Variants in SMURF2 observed in about 807,000 individuals in gnomAD.
SMURF2 encodes SMAD specific E3 ubiquitin protein ligase 2.
A neutral mutation model predicts 109.6 loss-of-function variants in SMURF2; 48 were observed. That is an observed-to-expected ratio of 0.44 (90% CI 0.35 to 0.56). The LOEUF (loss-of-function observed/expected upper bound fraction) is 0.56. Ranked by LOEUF, SMURF2 falls within the 20% of genes least tolerant of loss-of-function variation. The pLI is 0.01. For missense variants in SMURF2, 575 were observed against 909.0 expected, an observed-to-expected ratio of 0.63 and a Z score of 4.72; for synonymous variants, 288 against 317.1, an observed-to-expected ratio of 0.91 and a Z score of 0.97.
intron 9 of SMURF2, among the ~76,000 whole-genome samples, chr17:64,572,309 T>C (rs1555685637): frequency 6.6e-6 from 1 of 152,234 alleles, no homozygotes; most frequent in Non-Finnish European, 1.5e-5. Context: ...GTCAGTGACA[T>C]AAAGAATTAA....
chr17:64,554,549 A>G (rs1969092541), intron 15 of SMURF2, among the ~76,000 whole-genome samples: 1 of 152,214 alleles, frequency 6.6e-6, no homozygotes, highest in Admixed American at 6.5e-5. Flanking sequence ...CCCAGTCAAC[A>G]GCCATGCCAG....
At chr17:64,592,595 T>C (rs1969765194) in intron 4 of SMURF2, among the ~76,000 whole-genome samples, 1 of 152,240 alleles carries the variant, frequency 6.6e-6, no homozygotes, top group African/African-American at 2.4e-5. Context: ...TTAGATCTTA[T>C]GTGAGTTTGT....
chr17:64,622,581 C>G (rs1480355902), intron 1 of SMURF2, among the ~76,000 whole-genome samples: 1 of 152,120 alleles, frequency 6.6e-6, no homozygotes, highest in Non-Finnish European at 1.5e-5. Context: ...TGGGATTTGT[C>G]TAACTTCTCA....
chr17:64,643,187 T>G (rs1318553097), intron 1 of SMURF2, among the ~76,000 whole-genome samples: 1 of 152,008 alleles, frequency 6.6e-6, no homozygotes, highest in Non-Finnish European at 1.5e-5. Flanking sequence ...CATACCCAGC[T>G]AATTTTTGTT....
intron 11 of SMURF2, among the ~76,000 whole-genome samples, 163 bp from the exon 12 acceptor site, chr17:64,561,766 G>A (rs1461798506): frequency 5.3e-5 from 8 of 152,136 alleles, no homozygotes; most frequent in African/African-American, 1.9e-4. Flanking sequence ...GGAGGCTGAG[G>A]CAGGAGGATC....
rs16947960 is a variant in SMURF2, at chr17:64,643,708, T to C, written c.52+18121A>G. On this transcript the variant is annotated intron_variant, in intron 1 of 18. Transcript: ENST00000262435. ...GTAAATACCTGCTTCATTACACTCT[T>C]TGACCTAATTAAGAGTGTTACTTGT... is the stretch of plus-strand genomic sequence containing the variant. Among the ~76,000 whole-genome samples, 550 of 152,330 alleles carry C rather than the reference T, an allele frequency of 3.6e-3. 3 individuals are homozygous for C. Among genetic ancestry groups the C allele is most frequent in the African/African-American group, 0.013 (520 of 41,570 alleles).
chr17:64,660,390 T>TG (rs1172057625), intron 1 of SMURF2, among the ~76,000 whole-genome samples: 67 of 152,094 alleles, frequency 4.4e-4, no homozygotes, highest in African/African-American at 1.5e-3. Context: ...GGACACTGAA[T>TG]GAGGGGGGAG....
At chr17:64,630,092 C>T (rs1275780182) in intron 1 of SMURF2, among the ~76,000 whole-genome samples, 1 of 151,844 alleles carries the variant, frequency 6.6e-6, no homozygotes, top group Non-Finnish European at 1.5e-5. Flanking sequence ...AAAAATTAGC[C>T]AGGCATGGTG....
chr17:64,579,276 G>A (rs1568181867), intron 8 of SMURF2, among the ~76,000 whole-genome samples: 1 of 151,578 alleles, frequency 6.6e-6, no homozygotes, highest in Non-Finnish European at 1.5e-5. Context: ...CTTTATGGTG[G>A]GTTTTGTTTT....
intron 5 of SMURF2, among the ~76,000 whole-genome samples, chr17:64,586,992 C>T (rs1969671714): frequency 1.3e-5 from 2 of 151,736 alleles, no homozygotes; most frequent in South Asian, 2.1e-4. Context: ...GGTGAAACCC[C>T]GTCTCTACAA....
At chr17:64,555,762 C>A in intron 14 of SMURF2, 58 bp downstream of exon 14, 1 of 1,240,974 alleles carries the variant, frequency 8.1e-7, no homozygotes, top group Non-Finnish European at 1.1e-6. Context: ...AGTTTTGAAA[C>A]ATATTTTTTT....
At chr17:64,602,154 T>C (rs1476168083) in intron 2 of SMURF2, among the ~76,000 whole-genome samples, 4 of 151,780 alleles carry the variant, frequency 2.6e-5, no homozygotes, top group Admixed American at 1.3e-4. Flanking sequence ...AAGAATGATA[T>C]ACTGGACTAT....
chr17:64,598,261 CT>C, intron 3 of SMURF2, 120 bp downstream of exon 3: 1 of 821,618 alleles, frequency 1.2e-6, no homozygotes, highest in East Asian at 2.9e-5. Context: ...TTCTTTACCC[CT>C]TTTGTGATGA....
intron 9 of SMURF2, among the ~76,000 whole-genome samples, chr17:64,578,050 G>T (rs145262989): frequency 4.0e-5 from 6 of 150,408 alleles, no homozygotes; most frequent in African/African-American, 1.5e-4. Context: ...GGGTTCAAGC[G>T]ATTCCCTGCC....
intron 1 of SMURF2, among the ~76,000 whole-genome samples, chr17:64,641,733 C>T (rs995648114): frequency 6.6e-6 from 1 of 152,114 alleles, no homozygotes; most frequent in Non-Finnish European, 1.5e-5. Context: ...AATTCCAGTT[C>T]CAGCCACCAT....
intron 3 of SMURF2, chr17:64,594,015 A>G (rs1969783187): frequency 6.5e-6 from 1 of 153,496 alleles, no homozygotes; most frequent in South Asian, 2.0e-4. Context: ...AATGCTGTAG[A>G]ACAAAAGCTG....
chr17:64,653,421 T>C (rs1598318701), intron 1 of SMURF2, among the ~76,000 whole-genome samples: 1 of 151,406 alleles, frequency 6.6e-6, no homozygotes, highest in South Asian at 2.1e-4. Context: ...CTACTGAAAC[T>C]CATACAATGC....
rs1968921528 is a variant in SMURF2, at chr17:64,544,736, A to G, written c.*1112T>C. ...ACCCCACTTCATTCTGTTAGGTAAA[A>G]GCAGGATTTTCTAAGCTTATTAATA... On this transcript the variant is annotated 3_prime_UTR_variant, in exon 19 of 19. Transcript: ENST00000262435. The G allele has an allele frequency of 6.6e-6, 1 of 152,306 alleles. No homozygotes were observed. Among genetic ancestry groups the G allele is most frequent in the Non-Finnish European group, 1.5e-5 (1 of 68,044 alleles). The allele number at this position is 152,306 out of a possible 1,614,324, so 9.4% of individuals were successfully genotyped here. A position where few individuals can be genotyped will look rare whatever the true frequency, so the allele number is the denominator to read the frequency against.
intron 1 of SMURF2, among the ~76,000 whole-genome samples, chr17:64,612,226 T>C (rs141785101): frequency 6.6e-6 from 1 of 152,122 alleles, no homozygotes; most frequent in African/African-American, 2.4e-5. Flanking sequence ...CATCTCTTCC[T>C]GCACCAAGCA....
Sources: allele counts gnomAD v4.1 joint callset (sites outside exome capture counted in the v4.1 genomes callset), GRCh38; gene constraint gnomAD v4.1.1; transcripts MANE v1.5; gene names NCBI Gene and HGNC (gene_info 2026-07-23, HGNC 2026-07-21).